Variants in GRIP1 observed in about 807,000 individuals in gnomAD.
GRIP1 encodes glutamate receptor-interacting protein 1.
A neutral mutation model predicts 129.9 loss-of-function variants in GRIP1; 45 were observed. That is an observed-to-expected ratio of 0.35 (90% confidence interval 0.27 to 0.44). The LOEUF (loss-of-function observed/expected upper bound fraction) is 0.44, where lower values mean the gene tolerates loss of function less well. Ranked by LOEUF, GRIP1 falls within the 20% of genes least tolerant of loss-of-function variation. The pLI, the probability that GRIP1 is intolerant of heterozygous loss-of-function variation, is 1.00. For synonymous variants in GRIP1, 530 were observed against 520.8 expected (o/e 1.02, Z -0.24); for missense variants, 1,196 against 1,396.8 (o/e 0.86, Z 2.29).
intron 7 of GRIP1, among the ~76,000 whole-genome samples, chr12:66,500,959 A>T (rs2060376256): frequency 6.6e-6 from 1 of 152,246 alleles, no homozygotes; most frequent in Non-Finnish European, 1.5e-5. Context: ...TAATCTTAAA[A>T]GTAAACCAGA....
chr12:66,932,865 C>A lies in GRIP1; in HGVS notation c.58+136185G>T, dbSNP rs146098255. Among the ~76,000 whole-genome samples the A allele has an allele frequency of 4.6e-3, 699 of 152,170 alleles. 2 individuals carry two copies. The highest frequency in any genetic ancestry group is 6.8e-3 in the Non-Finnish European group (462 of 68,008). On this transcript the variant is annotated intron_variant, in intron 1 of 1. Coordinates refer to the GRIP1 transcript ENST00000643019. ...TGTGTTTTTACTAGAGACAGGGTTT[C>A]ACCATCTTGGCCAGGCTAGTCTTGA...
intron 1 of GRIP1, among the ~76,000 whole-genome samples, chr12:66,928,783 G>A (rs2041338453): frequency 6.6e-6 from 1 of 152,198 alleles, no homozygotes; most frequent in African/African-American, 2.4e-5. Flanking sequence ...GTATTCTAGT[G>A]CAGAATATTA....
intron 13 of GRIP1, among the ~76,000 whole-genome samples, chr12:66,439,182 G>T (rs2058401334): frequency 6.6e-6 from 1 of 152,158 alleles, no homozygotes; most frequent in Non-Finnish European, 1.5e-5. Context: ...CTAATTCTAA[G>T]TCCTGCCATC....
intron 1 of GRIP1, among the ~76,000 whole-genome samples, chr12:66,597,842 G>A (rs576275257): frequency 1.2e-3 from 190 of 152,124 alleles, no homozygotes; most frequent in Non-Finnish European, 2.1e-3. Flanking sequence ...GGTTAAAATT[G>A]AAAGGACAAT....
intron 14 of GRIP1, among the ~76,000 whole-genome samples, chr12:66,425,830 G>A (rs974763966): frequency 3.3e-5 from 5 of 152,048 alleles, no homozygotes; most frequent in Non-Finnish European, 5.9e-5. Flanking sequence ...TGTGGGGTGG[G>A]GGAAGGGGGG....
At chr12:66,896,400 T>C (rs573036348) in intron 1 of GRIP1, among the ~76,000 whole-genome samples, 1 of 144,562 alleles carries the variant, frequency 6.9e-6, no homozygotes, top group South Asian at 2.2e-4. Context: ...GGGAAGCAGA[T>C]GGCAAGGGAG....
At chr12:66,450,096 T>A (rs2058737492) in intron 11 of GRIP1, among the ~76,000 whole-genome samples, 1 of 151,318 alleles carries the variant, frequency 6.6e-6, no homozygotes, top group Non-Finnish European at 1.5e-5. Flanking sequence ...GTCAGGAAAT[T>A]GAGACCATCC....
chr12:66,947,421 T>C (rs568755354), intron 1 of GRIP1, among the ~76,000 whole-genome samples: 3 of 152,346 alleles, frequency 2.0e-5, no homozygotes, highest in South Asian at 2.1e-4. Flanking sequence ...AAGATGATGC[T>C]CATTTTCCAG....
chr12:66,496,209 T>G (rs925982018), intron 7 of GRIP1, among the ~76,000 whole-genome samples: 8 of 152,180 alleles, frequency 5.3e-5, no homozygotes, highest in Admixed American at 2.6e-4. Context: ...AAGCCACACC[T>G]GAACGTGTCT....
chr12:66,815,815 G>T (rs2039197830), intron 1 of GRIP1, among the ~76,000 whole-genome samples: 1 of 104,858 alleles, frequency 9.5e-6, no homozygotes, highest in Non-Finnish European at 1.8e-5. Context: ...TAAACAAGAT[G>T]AAAGATTTCT....
rs780445888 is a variant in GRIP1 at position 66,353,581 on chromosome 12, G to C, written c.3013-18C>G. On this transcript the variant is annotated intron_variant, in intron 23 of 24. Transcript: ENST00000359742. ...AAGGTCACCTGAAGAGAGAAAATGGGATGTGAATATTTAGCTGGGGTGGAG... is the reference window on the plus strand; with the variant it reads ...AAGGTCACCTGAAGAGAGAAAATGGCATGTGAATATTTAGCTGGGGTGGAG... 53 of 1,612,544 alleles carry C rather than the reference G, an allele frequency of 3.3e-5. No homozygotes were observed. In the South Asian group the frequency reaches 5.1e-4, roughly 15 times the overall value.
At chr12:66,657,060 G>GTT (rs1555223340) in intron 1 of GRIP1, among the ~76,000 whole-genome samples, 1 of 150,084 alleles carries the variant, frequency 6.7e-6, no homozygotes, top group Non-Finnish European at 1.5e-5. Flanking sequence ...ATGTAAACAA[G>GTT]AAAAAAAAAT....
intron 4 of GRIP1, among the ~76,000 whole-genome samples, chr12:66,531,251 AAATATATATATATATATATATATATATAT>A (rs1242834827): frequency 0.41 from 16,195 of 39,700 alleles, 2,476 homozygotes; most frequent in African/African-American, 0.46. Context: ...AAAAAAAAAA[AAATATATATATATATATATATATATATAT>A]ATATATATAT....
chr12:66,459,452 A>G (rs2059069271), intron 9 of GRIP1, among the ~76,000 whole-genome samples: 1 of 152,164 alleles, frequency 6.6e-6, no homozygotes, highest in South Asian at 2.1e-4. Context: ...CGGTGAATGC[A>G]CTTCGGGATT....
intron 1 of GRIP1, among the ~76,000 whole-genome samples, chr12:66,885,763 GGAA>G (rs922137952): frequency 2.0e-5 from 3 of 152,256 alleles, no homozygotes; most frequent in East Asian, 1.9e-4. Context: ...CCACTCAGGA[GGAA>G]GAAGAACTCT....
chr12:66,621,667 C>A (rs2065272671), intron 1 of GRIP1, among the ~76,000 whole-genome samples: 1 of 152,054 alleles, frequency 6.6e-6, no homozygotes, highest in East Asian at 1.9e-4. Context: ...TTTGAGGAAT[C>A]CCCAAACTGT....
intron 11 of GRIP1, among the ~76,000 whole-genome samples, chr12:66,449,433 A>C (rs1326269112): frequency 9.8e-6 from 1 of 102,556 alleles, no homozygotes; most frequent in Non-Finnish European, 1.6e-5. Context: ...TCATTTGTCT[A>C]GGAGGAGTAA....
At chr12:66,422,485 C>T (rs556079805) in intron 14 of GRIP1, among the ~76,000 whole-genome samples, 1 of 152,266 alleles carries the variant, frequency 6.6e-6, no homozygotes, top group South Asian at 2.1e-4. Flanking sequence ...TTATTACCAG[C>T]AAGTACAGCT....
At chr12:66,700,366 C>T (rs1211128298) in intron 1 of GRIP1, among the ~76,000 whole-genome samples, 2 of 150,544 alleles carry the variant, frequency 1.3e-5, no homozygotes, top group Non-Finnish European at 2.9e-5. Context: ...GGCTGCGGAG[C>T]ACATAGAGTG....
Sources: gnomAD v4.1 joint callset for allele counts (sites outside exome capture counted in the v4.1 genomes callset) on GRCh38, gnomAD v4.1.1 for gene constraint, MANE v1.5 for transcripts, NCBI Gene and HGNC (gene_info 2026-07-23, HGNC 2026-07-21) for gene names.